ERP44: variants seen among roughly 807,000 people sequenced by gnomAD.
The protein encoded by ERP44 is endoplasmic reticulum resident protein 44.
A neutral mutation model predicts 53.4 loss-of-function variants in ERP44; 25 were observed. The ratio of observed to expected loss-of-function variants is 0.47; its 90% CI spans 0.34 to 0.65. The LOEUF is 0.65. Ranked by LOEUF, ERP44 falls within the 30% of genes least tolerant of loss-of-function variation. The pLI, the probability that ERP44 is intolerant of heterozygous loss-of-function variation, is 0.01. For synonymous variants in ERP44, 145 were observed against 161.2 expected, an observed-to-expected ratio of 0.90 and a Z score of 0.76; for missense variants, 338 against 493.2, an observed-to-expected ratio of 0.69 and a Z score of 2.98.
chr9:100,043,258 C>CAAAAAAAAAAAAAAAAAAAAAAAAA (rs56066117), intron 4 of ERP44, among the ~76,000 whole-genome samples: 1 of 20,266 alleles, frequency 4.9e-5, no homozygotes, highest in African/African-American at 2.5e-4. Flanking sequence ...GACTCTGTCT[C>CAAAAAAAAAAAAAAAAAAAAAAAAA]AAAAAAAAAA....
chr9:100,063,997 G>A lies in ERP44; in HGVS notation c.58-3825C>T, dbSNP rs370733149. On this transcript the variant is annotated intron_variant, in intron 1 of 11. Transcript: ENST00000262455. Reference sequence around the variant, plus strand: ...AAAGACTAATAAAAGTGAAAGGCTAGCTTTCAATAGCAGGAGCTTCTTCAG... The same window carrying A: ...AAAGACTAATAAAAGTGAAAGGCTAACTTTCAATAGCAGGAGCTTCTTCAG... 2.0e-5 allele frequency among the ~76,000 whole-genome samples: 3 copies of A among 152,264 alleles called. No homozygotes were observed. In the East Asian group the frequency reaches 5.8e-4, roughly 29 times the overall value.
At chr9:99,991,392 T>G (rs1830252945) in intron 10 of ERP44, among the ~76,000 whole-genome samples, 1 of 152,284 alleles carries the variant, frequency 6.6e-6, no homozygotes, top group South Asian at 2.1e-4. Flanking sequence ...AAATGGAAAC[T>G]TAACAACCTG....
chr9:99,999,083 G>A, intron 10 of ERP44: 9 of 699,056 alleles, frequency 1.3e-5, no homozygotes, highest in Middle Eastern at 3.8e-4. Context: ...GGGAGCGCAC[G>A]GCCGTTCCCA....
At chr9:100,070,862 T>C (rs1042531452) in intron 1 of ERP44, among the ~76,000 whole-genome samples, 1 of 152,080 alleles carries the variant, frequency 6.6e-6, no homozygotes, top group Non-Finnish European at 1.5e-5. Flanking sequence ...CCCCCAGAAG[T>C]AGACTCTGAG....
chr9:100,041,584 C>T (rs1825903127), intron 4 of ERP44, among the ~76,000 whole-genome samples: 1 of 152,154 alleles, frequency 6.6e-6, no homozygotes, highest in Non-Finnish European at 1.5e-5. Flanking sequence ...AGAAGAATCA[C>T]TTGAACCTGG....
intron 3 of ERP44, among the ~76,000 whole-genome samples, chr9:100,056,062 T>C (rs1214392365): frequency 1.3e-5 from 2 of 152,234 alleles, no homozygotes; most frequent in Non-Finnish European, 1.5e-5. Flanking sequence ...AATTCAGTTT[T>C]TTCAAAAGAT....
At chr9:100,018,457 G>A (rs771792910) in intron 6 of ERP44, 144 bp from the exon 7 acceptor site, 8 of 582,424 alleles carry the variant, frequency 1.4e-5, no homozygotes, top group East Asian at 8.3e-5. Context: ...TAAAGAAAAC[G>A]TTTAATATGA....
rs144840806 is a variant in ERP44, at chr9:99,999,009, C to T, written c.1016+7497G>A. Reference sequence around the variant, plus strand: ...CGGCAAAGAACTGGAAGTAGTCGTGCGTGGGCAGCGGGCGCAGCTGCTCCT... The same window carrying T: ...CGGCAAAGAACTGGAAGTAGTCGTGTGTGGGCAGCGGGCGCAGCTGCTCCT... On this transcript the variant is annotated intron_variant, in intron 10 of 11. Transcript: ENST00000262455. 2,136 of 1,091,610 alleles carry T rather than the reference C, an allele frequency of 2.0e-3. 20 individuals carry two copies. In the African/African-American group the frequency reaches 0.028, roughly 14 times the overall value. 67.6% of individuals were successfully genotyped at this position (1,091,610 alleles called of 1,614,324 possible).
intron 1 of ERP44, among the ~76,000 whole-genome samples, chr9:100,082,542 T>A (rs1181488833): frequency 6.6e-6 from 1 of 152,020 alleles, no homozygotes; most frequent in Non-Finnish European, 1.5e-5. Context: ...AAAAAACATA[T>A]ACAGTCGTCC....
intron 1 of ERP44, among the ~76,000 whole-genome samples, chr9:100,083,974 ACAGT>A (rs559126694): frequency 2.6e-3 from 398 of 152,244 alleles, no homozygotes; most frequent in Middle Eastern, 0.014. Flanking sequence ...GCAAGAGAAA[ACAGT>A]CAGATACAGA....
intron 1 of ERP44, among the ~76,000 whole-genome samples, chr9:100,087,798 A>G (rs1826502082): frequency 6.6e-6 from 1 of 152,172 alleles, no homozygotes. Flanking sequence ...CCAATCTTAT[A>G]TTGTTCAAAA....
intron 4 of ERP44, among the ~76,000 whole-genome samples, chr9:100,049,208 G>C (rs561893481): frequency 1.3e-5 from 2 of 152,232 alleles, no homozygotes; most frequent in East Asian, 3.9e-4. Flanking sequence ...CCAGGAGTTT[G>C]AGACCAGCCT....
At chr9:100,039,640 C>T (rs1403321318) in intron 4 of ERP44, among the ~76,000 whole-genome samples, 6 of 151,476 alleles carry the variant, frequency 4.0e-5, no homozygotes, top group Non-Finnish European at 8.8e-5. Context: ...CAAACCAAAC[C>T]CAAAATTAGT....
chr9:100,002,045 T>C (rs1183421141), intron 10 of ERP44, among the ~76,000 whole-genome samples: 1 of 151,878 alleles, frequency 6.6e-6, no homozygotes, highest in Non-Finnish European at 1.5e-5. Flanking sequence ...ATAGGGTTTT[T>C]AAAATTTTTA....
At chr9:100,075,891 C>T (rs2118740991) in intron 1 of ERP44, among the ~76,000 whole-genome samples, 1 of 152,226 alleles carries the variant, frequency 6.6e-6, no homozygotes, top group South Asian at 2.1e-4. Flanking sequence ...TGCAACAGGT[C>T]CAGGCTGCTG....
chr9:100,068,628 C>A (rs1427575115), intron 1 of ERP44, among the ~76,000 whole-genome samples: 8 of 146,810 alleles, frequency 5.4e-5, no homozygotes, highest in African/African-American at 1.8e-4. Context: ...GGGGGGTCAG[C>A]CCCCCACCCG....
chr9:100,071,772 T>A (rs554626930), intron 1 of ERP44, among the ~76,000 whole-genome samples: 61 of 152,082 alleles, frequency 4.0e-4, no homozygotes, highest in African/African-American at 1.4e-3. Context: ...ATACAAAAAA[T>A]TAGCTGGGCG....
chr9:100,042,794 G>C (rs1825920115), intron 4 of ERP44, among the ~76,000 whole-genome samples: 1 of 152,288 alleles, frequency 6.6e-6, no homozygotes. Context: ...ACTAGGTTAA[G>C]TGAAATAAGC....
intron 1 of ERP44, 32 bp from the exon 2 acceptor site, chr9:100,060,204 T>C (rs745540239): frequency 6.9e-7 from 1 of 1,451,424 alleles, no homozygotes. Flanking sequence ...AATTAATAAA[T>C]GTGTCCACAA....
Sources: allele counts gnomAD v4.1 joint callset (sites outside exome capture counted in the v4.1 genomes callset), GRCh38; gene constraint gnomAD v4.1.1; transcripts MANE v1.5; gene names NCBI Gene and HGNC (gene_info 2026-07-23, HGNC 2026-07-21).